TRAPPC10: variants seen among roughly 807,000 people sequenced by gnomAD.
TRAPPC10 encodes TRAPP 130 kDa subunit.
TRAPPC10 carries 23 observed loss-of-function variants against 125.5 expected under a neutral mutation model. The observed-to-expected ratio is 0.18, with a 90% CI of 0.13 to 0.26. The LOEUF (loss-of-function observed/expected upper bound fraction) is 0.26. TRAPPC10 is among the 10% of genes least tolerant of loss of function. The pLI, the probability that TRAPPC10 is intolerant of heterozygous loss-of-function variation, is 1.00. For missense variants in TRAPPC10, 1,123 were observed against 1,308.4 expected (o/e 0.86, Z 2.19); for synonymous variants, 509 against 518.0 (o/e 0.98, Z 0.24).
intron 1 of TRAPPC10, among the ~76,000 whole-genome samples, chr21:44,030,889 C>T (rs960133270): frequency 1.3e-5 from 2 of 152,164 alleles, no homozygotes; most frequent in African/African-American, 4.8e-5. Context: ...CACTATGTGC[C>T]ATGCCTTGTT....
chr21:44,035,440 C>T (rs529424751), intron 2 of TRAPPC10, among the ~76,000 whole-genome samples: 3 of 151,976 alleles, frequency 2.0e-5, no homozygotes, highest in South Asian at 2.1e-4. Flanking sequence ...TGTTGGTGGG[C>T]GGTGAGGAGG....
At chr21:44,013,935 A>G (rs562822595) in intron 1 of TRAPPC10, among the ~76,000 whole-genome samples, 1 of 152,274 alleles carries the variant, frequency 6.6e-6, no homozygotes, top group East Asian at 1.9e-4. Context: ...AGGCCCTGCA[A>G]TTTCCCAGGG....
intron 14 of TRAPPC10, 60 bp downstream of exon 14, chr21:44,083,362 C>G (rs1168791237): frequency 6.4e-7 from 1 of 1,559,824 alleles, no homozygotes; most frequent in Non-Finnish European, 8.7e-7. Context: ...GTGGAGCTTA[C>G]AAGAACTGTC....
chr21:44,059,025 T>TAATGC lies in TRAPPC10; in HGVS notation c.679-78_679-77insAATGC, dbSNP rs2145885549. The TAATGC allele has an allele frequency of 8.5e-7, 1 of 1,174,528 alleles. No individual in the cohort carries two copies. The highest frequency in any genetic ancestry group is 1.5e-5 in the African/African-American group (1 of 65,000). 72.8% of individuals were successfully genotyped at this position (1,174,528 alleles called of 1,614,324 possible). On this transcript the variant is annotated intron_variant, in intron 5 of 22. Transcript: ENST00000291574. The surrounding 1 kb of genome is among the most constrained non-coding windows in gnomAD (Gnocchi z 4.4). ...TAGTGCTGCGTGCCTTTCTCTGTCG[T>TAATGC]TTAATGGCTACATACTGTTTCTTCT...
intron 7 of TRAPPC10, among the ~76,000 whole-genome samples, chr21:44,065,915 GGT>G (rs2036418847): frequency 6.6e-6 from 1 of 152,156 alleles, no homozygotes; most frequent in African/African-American, 2.4e-5. Context: ...CGCCCAGGCT[GGT>G]CTGGAACTTC....
rs1303940036 is a variant in TRAPPC10 at position 44,076,545 on chromosome 21, G to A, written c.1301-7G>A. The A allele has an allele frequency of 6.2e-7, 1 of 1,613,366 alleles. No individual in the cohort carries two copies. The highest frequency in any genetic ancestry group is 2.2e-5 in the East Asian group (1 of 44,884). On this transcript the variant is annotated splice_region_variant and splice_polypyrimidine_tract_variant and intron_variant, in intron 9 of 22. Coordinates refer to ENST00000291574, the MANE Select transcript of TRAPPC10 (RefSeq NM_003274.5). ...TGAAGAGGGACTCTCGTTTCTTTCTGTTTAAGCCAACACAGCTCAGAGTCC... is the reference window on the plus strand; with the variant it reads ...TGAAGAGGGACTCTCGTTTCTTTCTATTTAAGCCAACACAGCTCAGAGTCC...
intron 1 of TRAPPC10, among the ~76,000 whole-genome samples, chr21:44,017,730 C>G (rs1177181453): frequency 6.6e-6 from 1 of 152,010 alleles, no homozygotes; most frequent in Non-Finnish European, 1.5e-5. Flanking sequence ...CGCTGCTTCT[C>G]CCTTTGGTTT....
chr21:44,041,329 G>A (rs1422008476), intron 3 of TRAPPC10, among the ~76,000 whole-genome samples: 2 of 151,660 alleles, frequency 1.3e-5, no homozygotes, highest in South Asian at 2.1e-4. Flanking sequence ...TACGTATTTC[G>A]GTTAAGTTGT....
intron 5 of TRAPPC10, among the ~76,000 whole-genome samples, chr21:44,056,100 C>G (rs2035566590): frequency 3.3e-5 from 5 of 152,034 alleles, no homozygotes; most frequent in Non-Finnish European, 7.4e-5. Flanking sequence ...CACACACTGC[C>G]CCGGGGAGCC....
intron 14 of TRAPPC10, among the ~76,000 whole-genome samples, 190 bp from the exon 15 acceptor site, chr21:44,083,932 G>T (rs976102576): frequency 1.3e-5 from 2 of 152,182 alleles, no homozygotes; most frequent in African/African-American, 4.8e-5. Context: ...AGAAAATCAC[G>T]AATTGAGAGA....
chr21:44,027,602 G>A (rs2033184430), intron 1 of TRAPPC10, among the ~76,000 whole-genome samples: 1 of 152,178 alleles, frequency 6.6e-6, no homozygotes, highest in Admixed American at 6.5e-5. Context: ...GGGCCAATTA[G>A]GGGAGTTCTT....
In TRAPPC10 at chr21:44,063,253, A is replaced by G. The variant is rs2036189522; in HGVS notation, c.791-285A>G. 3.2e-6 allele frequency: 4 copies of G among 1,248,516 alleles called. No individual in the cohort carries two copies. Among genetic ancestry groups the G allele is most frequent in the African/African-American group, 3.1e-5 (2 of 65,014 alleles). The allele number at this position is 1,248,516 out of a possible 1,614,324, so 77.3% of individuals were successfully genotyped here. The stretch of plus-strand genomic sequence containing the variant: ...AGACAGAGCCTGAGCTCCCCTAACC[A>G]TGTAGCCTGTCTGTCTCTGGGTGAC... On this transcript the variant is annotated intron_variant, in intron 6 of 22. Coordinates refer to ENST00000291574, the MANE Select transcript of TRAPPC10 (RefSeq NM_003274.5). This position sits in a 1 kb window ranked among gnomAD's most constrained non-coding sequence, Gnocchi z 4.4.
chr21:44,091,795 C>A (rs1022543817), intron 18 of TRAPPC10, 128 bp from the exon 19 acceptor site: 23 of 914,774 alleles, frequency 2.5e-5, no homozygotes, highest in Non-Finnish European at 3.4e-5. Flanking sequence ...ACTTATGCAA[C>A]AACTTAGCTT....
chr21:44,083,331 T>C, intron 14 of TRAPPC10, 29 bp downstream of exon 14: 1 of 1,599,324 alleles, frequency 6.3e-7, no homozygotes, highest in South Asian at 1.1e-5. Flanking sequence ...AACTTGACTT[T>C]CAAGTTTGTA....
intron 14 of TRAPPC10, 21 bp downstream of exon 14, chr21:44,083,323 C>T (rs758608690): frequency 6.2e-7 from 1 of 1,602,358 alleles, no homozygotes; most frequent in Non-Finnish European, 8.5e-7. Flanking sequence ...AGGGTGGGAA[C>T]TTGACTTTCA....
chr21:44,055,551 C>T (rs2035522598), intron 4 of TRAPPC10, 147 bp from the exon 5 acceptor site: 2 of 589,914 alleles, frequency 3.4e-6, no homozygotes, highest in Non-Finnish European at 5.6e-6. Flanking sequence ...GCACTCCAGC[C>T]TGGGCCACAG....
intron 1 of TRAPPC10, among the ~76,000 whole-genome samples, chr21:44,029,292 C>T (rs1226597415): frequency 6.6e-6 from 1 of 152,158 alleles, no homozygotes; most frequent in Non-Finnish European, 1.5e-5. Context: ...GACGGGGTTT[C>T]ACCGTGTTGT....
chr21:44,050,513 G>C (rs1002483516), intron 3 of TRAPPC10, among the ~76,000 whole-genome samples: 4 of 152,132 alleles, frequency 2.6e-5, no homozygotes, highest in African/African-American at 9.7e-5. Context: ...GGTCAGCCGG[G>C]TGCTATGTGT....
chr21:44,091,356 T>C (rs895002582), intron 18 of TRAPPC10, among the ~76,000 whole-genome samples: 3 of 152,222 alleles, frequency 2.0e-5, no homozygotes, highest in Admixed American at 2.0e-4. Flanking sequence ...CCAGCCATGA[T>C]CACTTAATAA....
Sources: allele counts gnomAD v4.1 joint callset (sites outside exome capture counted in the v4.1 genomes callset), GRCh38; gene constraint gnomAD v4.1.1; non-coding constraint Gnocchi (gnomAD v3.1); transcripts MANE v1.5; gene names NCBI Gene and HGNC (gene_info 2026-07-23, HGNC 2026-07-21).